LRRFIP2: variants seen among roughly 807,000 people sequenced by gnomAD.
The protein encoded by LRRFIP2 is leucine-rich repeat flightless-interacting protein 2.
Under a neutral mutation model 125.9 loss-of-function variants are expected in LRRFIP2, and 109 were observed. The observed-to-expected ratio is 0.87, with a 90% CI of 0.74 to 1.01. LRRFIP2 has a LOEUF of 1.01. Ranked by LOEUF, LRRFIP2 falls within the 50% of genes least tolerant of loss-of-function variation. The pLI is 0.00. For missense variants in LRRFIP2, 850 were observed against 862.3 expected, an observed-to-expected ratio of 0.99 and a Z score of 0.18; for synonymous variants, 291 against 293.1, an observed-to-expected ratio of 0.99 and a Z score of 0.07.
At chr3:37,061,393 T>C (rs549683002) in intron 24 of LRRFIP2, among the ~76,000 whole-genome samples, 1 of 151,274 alleles carries the variant, frequency 6.6e-6, no homozygotes, top group Admixed American at 6.6e-5. Context: ...CTTTTCTTTT[T>C]CTTTTTCTTT....
chr3:37,103,270 A>G (rs2094165124), intron 14 of LRRFIP2, among the ~76,000 whole-genome samples: 3 of 152,182 alleles, frequency 2.0e-5, no homozygotes, highest in Non-Finnish European at 4.4e-5. Context: ...GAGAACATTT[A>G]CTTCCTGAGG....
intron 4 of LRRFIP2, among the ~76,000 whole-genome samples, chr3:37,123,270 C>A (rs993969641): frequency 6.6e-6 from 1 of 152,178 alleles, no homozygotes; most frequent in African/African-American, 2.4e-5. Flanking sequence ...TTCATGGCAA[C>A]CTCAGCCTCC....
chr3:37,122,914 T>C (rs2095114437), intron 4 of LRRFIP2, among the ~76,000 whole-genome samples: 1 of 152,232 alleles, frequency 6.6e-6, no homozygotes, highest in Admixed American at 6.5e-5. Context: ...GAATTTCTGA[T>C]CTTTCAGAAT....
intron 27 of LRRFIP2, 22 bp downstream of exon 27, chr3:37,054,389 A>T (rs1341867059): frequency 6.4e-7 from 1 of 1,571,298 alleles, no homozygotes; most frequent in Non-Finnish European, 8.7e-7. Context: ...GTATTCTCCA[A>T]GAAACATATT....
intron 2 of LRRFIP2, among the ~76,000 whole-genome samples, chr3:37,130,893 G>T (rs1020032036): frequency 6.6e-6 from 1 of 152,182 alleles, no homozygotes; most frequent in Non-Finnish European, 1.5e-5. Flanking sequence ...CACTGAGGTT[G>T]CTAAGATCTA....
At chr3:37,159,322 C>T (rs2096275225) in intron 1 of LRRFIP2, among the ~76,000 whole-genome samples, 1 of 152,164 alleles carries the variant, frequency 6.6e-6, no homozygotes, top group African/African-American at 2.4e-5. Flanking sequence ...TTTCTGGATA[C>T]TTAATTCTAT....
chr3:37,063,158 C>G (rs188496377), intron 24 of LRRFIP2, among the ~76,000 whole-genome samples: 1 of 152,260 alleles, frequency 6.6e-6, no homozygotes, highest in Non-Finnish European at 1.5e-5. Context: ...TTAGAGGAAA[C>G]TAATAGTTCT....
chr3:37,109,799 T>G (rs2149417400), intron 9 of LRRFIP2, 96 bp from the exon 10 acceptor site: 1 of 1,025,574 alleles, frequency 9.8e-7, no homozygotes, highest in East Asian at 2.5e-5. Context: ...TATGATTTTA[T>G]ACTCCATAAT....
At position 37,065,922 on chromosome 3, in the gene LRRFIP2, G is replaced by T. The variant is rs774294066; in HGVS notation, c.1587C>A (p.Ile529=). 2.5e-6 allele frequency: 4 copies of T among 1,614,128 alleles called. No individual in the cohort carries two copies. The highest frequency in any genetic ancestry group is 3.4e-6 in the Non-Finnish European group (4 of 1,180,000). ...CATCACCATTGGGAGTGCCATCGGG[G>T]ATTATAACTAAGCCATGTTTCTGCA... ...KTGEKHGLVI[I]PDGTPNGDVS... The change falls in exon 23 of 28, where the codon ATC becomes ATA. Residue 529 remains isoleucine, a synonymous_variant. Coordinates refer to ENST00000336686, the MANE Select transcript of LRRFIP2 (RefSeq NM_006309.4).
At chr3:37,056,573 C>T (rs143498278) in intron 25 of LRRFIP2, among the ~76,000 whole-genome samples, 7,454 of 152,092 alleles carry the variant, frequency 0.049, 261 homozygotes, top group Non-Finnish European at 0.071. Flanking sequence ...CCTGCCTCAG[C>T]CTCCTGAGTA....
chr3:37,109,541 T>G lies in LRRFIP2; in HGVS notation c.595A>C (p.Arg199=), dbSNP rs1352938042. 1 of 1,614,002 alleles carries G rather than the reference T, an allele frequency of 6.2e-7. No individual in the cohort carries two copies. Among genetic ancestry groups the G allele is most frequent in the Admixed American group, 1.7e-5 (1 of 60,010 alleles). ...ASPTANSGLL[R]SASLASLYNG... ...AAAATACAAACCAGACTGGCACTTC[T>G]CAGCAGACCAGAATTTGCAGTAGGA... Residue 199 remains arginine (R), a synonymous_variant, in exon 11 of 28, where the codon AGA becomes CGA. Transcript: ENST00000336686.
intron 21 of LRRFIP2, chr3:37,068,572 C>T (rs2090580521): frequency 6.6e-6 from 1 of 152,158 alleles, no homozygotes; most frequent in African/African-American, 2.4e-5. Flanking sequence ...GGATCTAAAA[C>T]CCTCTGTATT....
chr3:37,096,598 A>T lies in LRRFIP2; in HGVS notation c.918+18T>A, dbSNP rs1385404735. ...TTAATTGACCTTGAGAATTTCCCTT[A>T]GGAATTTACATACTCACTCTTGTAT... On this transcript the variant is annotated intron_variant, in intron 16 of 27. Transcript: ENST00000336686. 1 of 1,487,158 alleles carries T rather than the reference A, an allele frequency of 6.7e-7. No homozygotes were observed. 92.1% of individuals were successfully genotyped at this position (1,487,158 alleles called of 1,614,324 possible).
chr3:37,128,942 A>G lies in LRRFIP2; in HGVS notation c.177+121T>C. 3.5e-6 allele frequency: 3 copies of G among 867,316 alleles called. No individual in the cohort carries two copies. In the Admixed American group the frequency reaches 6.8e-5, roughly 20 times the overall value. The allele number at this position is 867,316 out of a possible 1,614,324, so 53.7% of individuals were successfully genotyped here. A position where few individuals can be genotyped will look rare whatever the true frequency, so the allele number is the denominator to read the frequency against. On this transcript the variant is annotated intron_variant, in intron 3 of 27. Coordinates refer to ENST00000336686, the MANE Select transcript of LRRFIP2 (RefSeq NM_006309.4). ...GGCACAGAATGGCTTGATAAAATAC[A>G]TACATCAGTTTATACTATTTTCAAT...
chr3:37,056,515 G>A (rs1384211103), intron 25 of LRRFIP2, among the ~76,000 whole-genome samples: 4 of 150,894 alleles, frequency 2.7e-5, no homozygotes, highest in Non-Finnish European at 4.4e-5. Flanking sequence ...GTGCAGTGGC[G>A]CGATCTCGGC....
intron 19 of LRRFIP2, among the ~76,000 whole-genome samples, chr3:37,079,166 T>C (rs1206951454): frequency 2.0e-5 from 3 of 152,130 alleles, no homozygotes; most frequent in Non-Finnish European, 4.4e-5. Flanking sequence ...CCAAGGAAGA[T>C]ATGCAAATAG....
At chr3:37,175,195 A>C (rs1560216050), upstream of LRRFIP2, 4 of 152,336 alleles carry the variant, frequency 2.6e-5, no homozygotes, top group South Asian at 8.3e-4. Flanking sequence ...TCATTACTAC[A>C]TCCACATTCT....
rs751386152 is a variant in LRRFIP2 at position 37,053,973 on chromosome 3, G to C, written c.2056-12C>G. 1 of 1,466,938 alleles carries C rather than the reference G, an allele frequency of 6.8e-7. No individual in the cohort carries two copies. Among genetic ancestry groups the C allele is most frequent in the Non-Finnish European group, 9.6e-7 (1 of 1,045,628 alleles). 90.9% of individuals were successfully genotyped at this position (1,466,938 alleles called of 1,614,324 possible). On this transcript the variant is annotated splice_polypyrimidine_tract_variant and intron_variant, in intron 27 of 27. Coordinates refer to ENST00000336686, the MANE Select transcript of LRRFIP2 (RefSeq NM_006309.4). ...AGTGCTGTTCGTAACTGGAGACAGG[G>C]AGAATGCAGTCACTACATGTGGTCA...
rs761249122 is a variant in LRRFIP2 at position 37,063,741 on chromosome 3, C to A, written c.1749+1G>T. 1 of 1,608,344 alleles carries A rather than the reference C, an allele frequency of 6.2e-7. No individual in the cohort carries two copies. The highest frequency in any genetic ancestry group is 1.1e-5 in the South Asian group (1 of 90,942). ...TTACACTCCAATAAGAATGCCTTTACCTGTGACAGTAGTTCTTCCTTCTCT... is the reference window on the plus strand; with the variant it reads ...TTACACTCCAATAAGAATGCCTTTAACTGTGACAGTAGTTCTTCCTTCTCT... On this transcript the variant is annotated splice_donor_variant, in intron 24 of 27. Transcript: ENST00000336686. LOFTEE classifies it high-confidence loss of function.
Sources: gnomAD v4.1 joint callset for allele counts (sites outside exome capture counted in the v4.1 genomes callset) on GRCh38, gnomAD v4.1.1 for gene constraint, MANE v1.5 for transcripts, NCBI Gene and HGNC (gene_info 2026-07-23, HGNC 2026-07-21) for gene names.